Variants in IGF2BP2 observed in about 807,000 individuals in gnomAD.
IGF2BP2 encodes the protein insulin-like growth factor 2 mRNA-binding protein 2.
A neutral mutation model predicts 75.8 loss-of-function variants in IGF2BP2; 17 were observed. That is an observed-to-expected ratio of 0.22 (90% CI 0.15 to 0.34). The LOEUF is 0.34. Ranked by LOEUF, IGF2BP2 falls within the 10% of genes least tolerant of loss-of-function variation. The pLI, the probability that IGF2BP2 is intolerant of heterozygous loss-of-function variation, is 1.00. For missense variants in IGF2BP2, 516 were observed against 772.4 expected, an observed-to-expected ratio of 0.67 and a Z score of 3.93; for synonymous variants, 288 against 295.6, an observed-to-expected ratio of 0.97 and a Z score of 0.26.
chr3:185,784,319 C>T (rs917382584), intron 2 of IGF2BP2, among the ~76,000 whole-genome samples: 5 of 151,980 alleles, frequency 3.3e-5, no homozygotes, highest in African/African-American at 9.7e-5. Context: ...TCACTTTGAT[C>T]GAAACATCCT....
intron 2 of IGF2BP2, among the ~76,000 whole-genome samples, chr3:185,705,431 G>C (rs184843448): frequency 1.3e-5 from 2 of 152,258 alleles, no homozygotes; most frequent in East Asian, 3.9e-4. Context: ...CTGCAGTTAT[G>C]AACCCAGTAA....
intron 2 of IGF2BP2, among the ~76,000 whole-genome samples, chr3:185,820,229 T>TACACACAC (rs1280743933): frequency 3.7e-5 from 5 of 133,920 alleles, no homozygotes; most frequent in South Asian, 4.8e-4. Flanking sequence ...TGTGTATATA[T>TACACACAC]ACACATACAC....
intron 2 of IGF2BP2, among the ~76,000 whole-genome samples, chr3:185,813,069 A>G (rs1325852257): frequency 3.9e-5 from 6 of 152,224 alleles, no homozygotes; most frequent in Non-Finnish European, 8.8e-5. Flanking sequence ...CTCGTGATGT[A>G]GAAATAATTA....
chr3:185,811,321 C>T (rs1369095466), intron 2 of IGF2BP2, among the ~76,000 whole-genome samples: 2 of 152,060 alleles, frequency 1.3e-5, no homozygotes, highest in African/African-American at 4.8e-5. Flanking sequence ...AGGACTTTTC[C>T]CTCTCACTCA....
At chr3:185,779,975 GAATTGGAAACAGCCTAACC>G (rs1222214472) in intron 2 of IGF2BP2, among the ~76,000 whole-genome samples, 2 of 152,160 alleles carry the variant, frequency 1.3e-5, no homozygotes, top group East Asian at 3.8e-4. Flanking sequence ...AGCATGTTTG[GAATTGGAAACAGCCTAACC>G]ATAGGCAAAT....
intron 2 of IGF2BP2, among the ~76,000 whole-genome samples, chr3:185,699,400 G>A (rs1458496496): frequency 6.6e-6 from 1 of 152,104 alleles, no homozygotes; most frequent in Non-Finnish European, 1.5e-5. Flanking sequence ...GCTTCAACAA[G>A]ATCAGATTTA....
chr3:185,674,707 CTACA>C (rs1719030861), intron 9 of IGF2BP2, among the ~76,000 whole-genome samples: 1 of 152,028 alleles, frequency 6.6e-6, no homozygotes, highest in South Asian at 2.1e-4. Context: ...GTTCAGAAGG[CTACA>C]TACATGGAAA....
At chr3:185,702,636 G>T (rs1335476612) in intron 2 of IGF2BP2, among the ~76,000 whole-genome samples, 2 of 151,920 alleles carry the variant, frequency 1.3e-5, no homozygotes, top group African/African-American at 4.8e-5. Context: ...TCCATCTTTG[G>T]CCTGCACCTC....
intron 2 of IGF2BP2, among the ~76,000 whole-genome samples, chr3:185,783,046 T>C (rs1578285043): frequency 6.6e-6 from 1 of 152,228 alleles, no homozygotes; most frequent in African/African-American, 2.4e-5. Flanking sequence ...AGTTCAAGTT[T>C]AATTCCACTA....
In IGF2BP2 at chr3:185,647,652, G is replaced by C. The variant is rs1305828879; in HGVS notation, c.1594-514C>G. On this transcript the variant is annotated intron_variant, in intron 14 of 15. Transcript: ENST00000382199. The surrounding 1 kb of genome is among the most constrained non-coding windows in gnomAD (Gnocchi z 4.9). ...ATGCTGTTCCTACCCTTGGATTGTT[G>C]TCCTCTCTCCCGGCCACTGGATCCC... 6.6e-6 allele frequency among the ~76,000 whole-genome samples: 1 copy of C among 152,092 alleles called. No homozygotes were observed. Among genetic ancestry groups the C allele is most frequent in the African/African-American group, 2.4e-5 (1 of 41,410 alleles).
intron 2 of IGF2BP2, among the ~76,000 whole-genome samples, chr3:185,800,252 G>A (rs1291670579): frequency 6.6e-6 from 1 of 152,082 alleles, no homozygotes; most frequent in Non-Finnish European, 1.5e-5. Flanking sequence ...ACAAAGCGGG[G>A]AACGTCATAG....
intron 2 of IGF2BP2, among the ~76,000 whole-genome samples, chr3:185,820,217 T>C (rs1741163756): frequency 1.7e-5 from 2 of 119,082 alleles, no homozygotes; most frequent in Admixed American, 1.6e-4. Context: ...TGTGTGTGTG[T>C]ATGTGTATAT....
chr3:185,799,530 C>T (rs928875207), intron 2 of IGF2BP2, among the ~76,000 whole-genome samples: 3 of 152,096 alleles, frequency 2.0e-5, no homozygotes, highest in Non-Finnish European at 4.4e-5. Flanking sequence ...GGGCGGATCA[C>T]GAGGTCAGGA....
chr3:185,796,317 C>T (rs549360295), intron 2 of IGF2BP2, among the ~76,000 whole-genome samples: 93 of 151,872 alleles, frequency 6.1e-4, no homozygotes, highest in African/African-American at 2.1e-3. Context: ...AATCCCAGTA[C>T]TTTGGGAGGA....
At chr3:185,662,733 G>A (rs1284246883) in intron 10 of IGF2BP2, among the ~76,000 whole-genome samples, 1 of 151,754 alleles carries the variant, frequency 6.6e-6, no homozygotes, top group Non-Finnish European at 1.5e-5. Flanking sequence ...AGTAGAGATG[G>A]GGTTTCACCA....
In IGF2BP2 at chr3:185,689,102, G is replaced by A. The variant is rs142909188; in HGVS notation, c.677+253C>T. On this transcript the variant is annotated intron_variant, in intron 6 of 15. Transcript: ENST00000382199. ...TCAATGCATCCATAAGCATTAGTTCGCTTACAGGAACAGTCCTGGCTGTGA... is the reference window on the plus strand; with the variant it reads ...TCAATGCATCCATAAGCATTAGTTCACTTACAGGAACAGTCCTGGCTGTGA... 808 of 467,006 alleles carry A rather than the reference G, an allele frequency of 1.7e-3. 30 individuals carry two copies. In the East Asian group the frequency reaches 0.03, roughly 17 times the overall value. The allele number at this position is 467,006 out of a possible 1,614,324, so 28.9% of individuals were successfully genotyped here.
chr3:185,751,535 T>TA (rs963160805), intron 2 of IGF2BP2, among the ~76,000 whole-genome samples: 14 of 144,262 alleles, frequency 9.7e-5, no homozygotes, highest in Middle Eastern at 3.9e-3. Flanking sequence ...TTGCTACTAG[T>TA]ATTCTCCTGC....
intron 2 of IGF2BP2, among the ~76,000 whole-genome samples, chr3:185,812,638 A>G (rs1740054787): frequency 6.6e-6 from 1 of 152,210 alleles, no homozygotes; most frequent in Admixed American, 6.5e-5. Flanking sequence ...GGGTGCTTAC[A>G]AACTGTGTTT....
chr3:185,649,252 G>A, intron 14 of IGF2BP2, 151 bp downstream of exon 14: 2 of 1,032,986 alleles, frequency 1.9e-6, no homozygotes, highest in African/African-American at 1.6e-5. Context: ...TGCCTCAAAG[G>A]GCTCAGATGC....
Sources: gnomAD v4.1 joint callset for allele counts (sites outside exome capture counted in the v4.1 genomes callset) on GRCh38, gnomAD v4.1.1 for gene constraint, Gnocchi (gnomAD v3.1) non-coding constraint, MANE v1.5 for transcripts, NCBI Gene and HGNC (gene_info 2026-07-23, HGNC 2026-07-21) for gene names.